The following ADARB2 variants were observed in gnomAD, a reference collection of about 807,000 sequenced individuals.
ADARB2 encodes the protein adenosine deaminase RNA specific B2 (inactive).
In ADARB2, 25 loss-of-function variants were observed where a neutral mutation model predicts 62.2. The observed-to-expected ratio is 0.40, with a 90% CI of 0.29 to 0.56. The LOEUF (loss-of-function observed/expected upper bound fraction) is 0.56, where lower values mean the gene tolerates loss of function less well. Ranked by LOEUF, ADARB2 falls within the 20% of genes least tolerant of loss-of-function variation. The pLI, the probability that ADARB2 is intolerant of heterozygous loss-of-function variation, is 0.43. For missense variants in ADARB2, 1,071 were observed against 1,077.4 expected (o/e 0.99, Z 0.08); for synonymous variants, 572 against 500.8 (o/e 1.14, Z -1.90).
intron 1 of ADARB2, among the ~76,000 whole-genome samples, chr10:1,438,879 G>T (rs1210536625): frequency 1.4e-5 from 1 of 71,076 alleles, no homozygotes; most frequent in Non-Finnish European, 2.7e-5. Flanking sequence ...ATGGAGGCAG[G>T]TTCTTCACTA....
intron 1 of ADARB2, among the ~76,000 whole-genome samples, chr10:1,658,034 C>G (rs957701036): frequency 8.9e-6 from 1 of 111,886 alleles, no homozygotes; most frequent in African/African-American, 2.8e-5. Flanking sequence ...CTGTGTGTGT[C>G]TGTGTATCTC....
chr10:1,556,739 G>A (rs1313997408), intron 1 of ADARB2: 2 of 534,516 alleles, frequency 3.7e-6, no homozygotes, highest in Non-Finnish European at 3.8e-6. Flanking sequence ...ACAGAGTTGT[G>A]TGGGAGCCAG....
intron 1 of ADARB2, among the ~76,000 whole-genome samples, chr10:1,646,684 C>A (rs547153175): frequency 1.3e-5 from 2 of 152,366 alleles, no homozygotes; most frequent in African/African-American, 4.8e-5. Context: ...GTCCTAAATT[C>A]TCTGCTCTTC....
intron 1 of ADARB2, among the ~76,000 whole-genome samples, chr10:1,583,942 A>G (rs1290474628): frequency 6.6e-6 from 1 of 152,252 alleles, no homozygotes; most frequent in African/African-American, 2.4e-5. Flanking sequence ...CCGCAAGCCA[A>G]AAAATGAGTC....
intron 1 of ADARB2, among the ~76,000 whole-genome samples, chr10:1,435,532 C>G (rs952930395): frequency 3.9e-5 from 6 of 152,326 alleles, no homozygotes; most frequent in Non-Finnish European, 7.3e-5. Flanking sequence ...GAGGGCGGAG[C>G]CTTCACAGCC....
intron 1 of ADARB2, among the ~76,000 whole-genome samples, chr10:1,446,077 G>A (rs886185099): frequency 1.4e-4 from 21 of 151,856 alleles, no homozygotes; most frequent in Non-Finnish European, 2.9e-5. Context: ...GGGGGTGAAG[G>A]AAACATGAGG....
At chr10:1,298,928 A>G (rs1831549007) in intron 3 of ADARB2, among the ~76,000 whole-genome samples, 2 of 150,554 alleles carry the variant, frequency 1.3e-5, no homozygotes, top group Admixed American at 6.6e-5. Context: ...TATTTTTTGT[A>G]GAGATGGGGT....
At chr10:1,592,228 C>T (rs555263849) in intron 1 of ADARB2, among the ~76,000 whole-genome samples, 1 of 149,088 alleles carries the variant, frequency 6.7e-6, no homozygotes, top group Non-Finnish European at 1.5e-5. Flanking sequence ...CTCCTCCGTG[C>T]CACATGATCC....
intron 3 of ADARB2, among the ~76,000 whole-genome samples, chr10:1,313,909 C>T (rs1171307617): frequency 6.6e-6 from 1 of 152,224 alleles, no homozygotes; most frequent in Non-Finnish European, 1.5e-5. Flanking sequence ...CAAACACCCA[C>T]ACCATGTCTT....
chr10:1,612,141 G>T (rs1237889263), intron 1 of ADARB2, among the ~76,000 whole-genome samples: 1 of 152,194 alleles, frequency 6.6e-6, no homozygotes, highest in Non-Finnish European at 1.5e-5. Flanking sequence ...CGAGGGGGCC[G>T]CCTCTCCCAC....
intron 1 of ADARB2, among the ~76,000 whole-genome samples, chr10:1,592,181 G>A (rs1416349626): frequency 3.9e-5 from 6 of 152,314 alleles, no homozygotes; most frequent in Non-Finnish European, 7.4e-5. Flanking sequence ...ACAATAATAA[G>A]CTCAGATGCC....
chr10:1,673,480 T>G (rs184730683), intron 1 of ADARB2, among the ~76,000 whole-genome samples: 8 of 152,284 alleles, frequency 5.3e-5, no homozygotes, highest in Non-Finnish European at 8.8e-5. Context: ...ACAAAAAGTT[T>G]GTAAGGATAA....
intron 1 of ADARB2, among the ~76,000 whole-genome samples, chr10:1,662,776 G>A (rs1834266785): frequency 6.6e-6 from 1 of 152,166 alleles, no homozygotes; most frequent in Non-Finnish European, 1.5e-5. Flanking sequence ...CTGTGACCAC[G>A]CCGGGTGCCC....
Position 1,737,222 on chromosome 10 carries a change from G to T in ADARB2, c.-72C>A. Reference sequence around the variant, plus strand: ...TGCACCTGCCTCCTTCCCGGCAGCCGCCGCCGCCGCTGCTGCGAAGCTTGA... The same window carrying T: ...TGCACCTGCCTCCTTCCCGGCAGCCTCCGCCGCCGCTGCTGCGAAGCTTGA... On this transcript the variant is annotated 5_prime_UTR_variant, in exon 1 of 10. Coordinates refer to ENST00000381312, the MANE Select transcript of ADARB2 (RefSeq NM_018702.4). The T allele has an allele frequency of 3.3e-6, 5 of 1,504,472 alleles. No homozygotes were observed. Among genetic ancestry groups the T allele is most frequent in the South Asian group, 1.1e-5 (1 of 88,872 alleles). 93.2% of individuals were successfully genotyped at this position (1,504,472 alleles called of 1,614,324 possible).
intron 3 of ADARB2, among the ~76,000 whole-genome samples, chr10:1,293,231 AGGGAGAGAGGGACG>A (rs1564248811): frequency 2.0e-5 from 2 of 101,584 alleles, no homozygotes; most frequent in Admixed American, 1.1e-4. Context: ...AGGGACGGGG[AGGGAGAGAGGGACG>A]GGGGGAGAGG....
intron 1 of ADARB2, among the ~76,000 whole-genome samples, chr10:1,388,653 G>GA (rs949436685): frequency 3.0e-4 from 45 of 148,918 alleles, no homozygotes; most frequent in African/African-American, 9.6e-4. Flanking sequence ...ATAATCTGAA[G>GA]AAAAAAAAAG....
chr10:1,717,517 CTCTTTCCTT>C (rs1016000841), intron 1 of ADARB2, among the ~76,000 whole-genome samples: 2 of 148,134 alleles, frequency 1.4e-5, no homozygotes, highest in South Asian at 2.2e-4. Context: ...CTTTCTCTCT[CTCTTTCCTT>C]TCTTTCCTTC....
At chr10:1,597,949 A>G (rs143373239) in intron 1 of ADARB2, among the ~76,000 whole-genome samples, 5 of 152,376 alleles carry the variant, frequency 3.3e-5, no homozygotes, top group African/African-American at 1.2e-4. Context: ...CATGAAAAAG[A>G]AAGAAGTCAT....
chr10:1,350,376 C>T (rs544162935), intron 3 of ADARB2, among the ~76,000 whole-genome samples: 9 of 152,266 alleles, frequency 5.9e-5, no homozygotes, highest in African/African-American at 2.2e-4. Flanking sequence ...CTGACCCCTC[C>T]GCTCCTCCCC....
Sources: allele counts gnomAD v4.1 joint callset (sites outside exome capture counted in the v4.1 genomes callset), GRCh38; gene constraint gnomAD v4.1.1; transcripts MANE v1.5; gene names NCBI Gene and HGNC (gene_info 2026-07-23, HGNC 2026-07-21).